The following GRIK3 variants were observed in gnomAD, a reference collection of about 807,000 sequenced individuals.
GRIK3 encodes the protein glutamate receptor ionotropic, kainate 3.
GRIK3 carries 29 observed loss-of-function variants against 102.5 expected under a neutral mutation model. The observed-to-expected ratio is 0.28, with a 90% CI of 0.21 to 0.39. GRIK3 has a LOEUF of 0.39. Ranked by LOEUF, GRIK3 falls within the 10% of genes least tolerant of loss-of-function variation. GRIK3 has a pLI of 1.00. For missense variants in GRIK3, 908 were observed against 1,252.4 expected, an observed-to-expected ratio of 0.73 and a Z score of 4.15; for synonymous variants, 511 against 504.9, an observed-to-expected ratio of 1.01 and a Z score of -0.16.
intron 1 of GRIK3, among the ~76,000 whole-genome samples, chr1:36,936,400 A>G (rs7517274): frequency 0.25 from 38,131 of 152,180 alleles, 5,963 homozygotes; most frequent in Middle Eastern, 0.38. Flanking sequence ...GATGATAACC[A>G]AAGAAAATTC....
At chr1:36,887,333 A>C (rs184814909) in intron 2 of GRIK3, among the ~76,000 whole-genome samples, 218 of 152,370 alleles carry the variant, frequency 1.4e-3, no homozygotes, top group Non-Finnish European at 1.8e-3. Flanking sequence ...AATATTGATA[A>C]ATTGGACTTC....
chr1:36,875,228 T>C (rs909580451), intron 3 of GRIK3, among the ~76,000 whole-genome samples: 1 of 152,268 alleles, frequency 6.6e-6, no homozygotes, highest in Non-Finnish European at 1.5e-5. Context: ...ACTCCTAGGC[T>C]GTAGCCCTTT....
At chr1:36,861,772 C>T (rs1640729564) in intron 5 of GRIK3, among the ~76,000 whole-genome samples, 1 of 152,132 alleles carries the variant, frequency 6.6e-6, no homozygotes, top group Admixed American at 6.5e-5. Flanking sequence ...TGAGCCCAGG[C>T]AAGAAAGTCT....
At chr1:36,942,306 G>A (rs533240986) in intron 1 of GRIK3, among the ~76,000 whole-genome samples, 43 of 152,302 alleles carry the variant, frequency 2.8e-4, no homozygotes, top group African/African-American at 9.6e-4. Flanking sequence ...AGGAGCCCCT[G>A]GCACTTAGGA....
intron 1 of GRIK3, among the ~76,000 whole-genome samples, chr1:37,020,842 C>T (rs138230001): frequency 2.2e-4 from 34 of 152,290 alleles, no homozygotes; most frequent in African/African-American, 8.2e-4. Context: ...ATGGCGCCAC[C>T]GGCTACCCCC....
At chr1:36,840,455 G>C (rs1441424834) in intron 10 of GRIK3, among the ~76,000 whole-genome samples, 4 of 147,138 alleles carry the variant, frequency 2.7e-5, no homozygotes, top group African/African-American at 1.0e-4. Context: ...GCTCATGCCT[G>C]TAATCTCAGC....
chr1:36,989,434 A>G (rs1206983472), intron 1 of GRIK3, among the ~76,000 whole-genome samples: 2 of 152,158 alleles, frequency 1.3e-5, no homozygotes, highest in Non-Finnish European at 2.9e-5. Flanking sequence ...CTTCAACAAC[A>G]CACAAGCACC....
intron 5 of GRIK3, among the ~76,000 whole-genome samples, chr1:36,868,506 C>T (rs1384548880): frequency 1.3e-5 from 2 of 152,176 alleles, no homozygotes; most frequent in East Asian, 3.9e-4. Flanking sequence ...AGGATAAGTG[C>T]TTAATAACCA....
At chr1:36,901,987 C>A (rs1271416808) in intron 1 of GRIK3, among the ~76,000 whole-genome samples, 1 of 152,008 alleles carries the variant, frequency 6.6e-6, no homozygotes, top group African/African-American at 2.4e-5. Context: ...CATTAACATG[C>A]AAAGAAAAGA....
chr1:36,809,442 C>T (rs1335729503), intron 13 of GRIK3, among the ~76,000 whole-genome samples: 3 of 152,152 alleles, frequency 2.0e-5, no homozygotes, highest in Non-Finnish European at 4.4e-5. Context: ...CTCCTTCTCA[C>T]CCATCTTACC....
intron 1 of GRIK3, among the ~76,000 whole-genome samples, chr1:36,942,299 A>T (rs1641731487): frequency 6.6e-6 from 1 of 152,218 alleles, no homozygotes; most frequent in Middle Eastern, 3.2e-3. Context: ...CAGAGCCAGG[A>T]GCCCCTGGCA....
intron 1 of GRIK3, among the ~76,000 whole-genome samples, chr1:36,915,683 T>C (rs1641391218): frequency 6.6e-6 from 1 of 152,146 alleles, no homozygotes; most frequent in Non-Finnish European, 1.5e-5. Flanking sequence ...CTGATGGTTT[T>C]AATAAAGGGG....
At chr1:37,018,860 ATAT>A (rs1290140149) in intron 1 of GRIK3, among the ~76,000 whole-genome samples, 1 of 152,192 alleles carries the variant, frequency 6.6e-6, no homozygotes. Flanking sequence ...AAAAAAGAAA[ATAT>A]TATAAATCTA....
intron 1 of GRIK3, among the ~76,000 whole-genome samples, chr1:37,010,611 C>T (rs925802196): frequency 1.3e-5 from 2 of 152,156 alleles, no homozygotes; most frequent in Non-Finnish European, 2.9e-5. Flanking sequence ...CTCCAGTGTG[C>T]AGTGTCCGGC....
intron 1 of GRIK3, among the ~76,000 whole-genome samples, chr1:36,973,844 C>T (rs1233159719): frequency 6.6e-6 from 1 of 152,124 alleles, no homozygotes; most frequent in Non-Finnish European, 1.5e-5. Flanking sequence ...TCCCAGCTCA[C>T]CTGATTTCAG....
chr1:36,929,924 T>C (rs1406552265), intron 1 of GRIK3, among the ~76,000 whole-genome samples: 1 of 152,224 alleles, frequency 6.6e-6, no homozygotes, highest in Admixed American at 6.5e-5. Context: ...GAGCAACCAC[T>C]TCCAGGATGG....
intron 5 of GRIK3, among the ~76,000 whole-genome samples, chr1:36,868,281 T>A (rs536117780): frequency 6.6e-6 from 1 of 152,314 alleles, no homozygotes; most frequent in East Asian, 1.9e-4. Flanking sequence ...GGAGACAGCA[T>A]GGCAGGAAGA....
chr1:36,856,600 C>T (rs1479991708), intron 7 of GRIK3, among the ~76,000 whole-genome samples: 1 of 152,192 alleles, frequency 6.6e-6, no homozygotes, highest in Admixed American at 6.5e-5. Context: ...CGGTTGTGGC[C>T]AGCTGTGGGA....
intron 1 of GRIK3, among the ~76,000 whole-genome samples, chr1:37,007,832 G>A (rs1373522579): frequency 6.6e-6 from 1 of 152,230 alleles, no homozygotes; most frequent in Non-Finnish European, 1.5e-5. Context: ...GGAGGGCAGT[G>A]ATGGGACACA....
Sources: gnomAD v4.1 joint callset for allele counts (sites outside exome capture counted in the v4.1 genomes callset) on GRCh38, gnomAD v4.1.1 for gene constraint, MANE v1.5 for transcripts, NCBI Gene and HGNC (gene_info 2026-07-23, HGNC 2026-07-21) for gene names.